Variants in COBL observed in about 807,000 individuals in gnomAD.
COBL encodes the protein cordon-bleu WH2 repeat protein, also known as protein cordon-bleu.
Under a neutral mutation model 98.8 loss-of-function variants are expected in COBL, and 51 were observed. The ratio of observed to expected loss-of-function variants is 0.52; its 90% confidence interval spans 0.41 to 0.65. The LOEUF is 0.65. Among genes scored for constraint, COBL ranks in the 30% least tolerant of loss-of-function variants. COBL has a pLI of 0.00. For missense variants in COBL, 1,617 were observed against 1,617.5 expected, an observed-to-expected ratio of 1.00 and a Z score of 0.01; for synonymous variants, 634 against 651.7, an observed-to-expected ratio of 0.97 and a Z score of 0.41.
At chr7:51,240,695 C>CA (rs1190474817) in intron 1 of COBL, among the ~76,000 whole-genome samples, 2 of 121,038 alleles carry the variant, frequency 1.7e-5, no homozygotes, top group Admixed American at 9.0e-5. Context: ...TACAGGCACG[C>CA]ACCACCACTC....
intron 10 of COBL, among the ~76,000 whole-genome samples, chr7:51,027,360 C>T (rs1406414025): frequency 2.0e-5 from 3 of 152,212 alleles, no homozygotes; most frequent in Non-Finnish European, 4.4e-5. Context: ...GAATTTTCTC[C>T]TCTGTTCCAT....
chr7:51,283,214 T>C (rs747049114), intron 1 of COBL, among the ~76,000 whole-genome samples: 2 of 152,038 alleles, frequency 1.3e-5, no homozygotes, highest in Non-Finnish European at 2.9e-5. Flanking sequence ...AGATTTTTTA[T>C]AATAAATCTG....
intron 7 of COBL, among the ~76,000 whole-genome samples, chr7:51,069,840 T>C (rs182191295): frequency 6.6e-6 from 1 of 152,324 alleles, no homozygotes; most frequent in Non-Finnish European, 1.5e-5. Flanking sequence ...CCATTTGCGT[T>C]TGGGTTTTAT....
At chr7:51,024,963 A>G (rs1380594693) in intron 12 of COBL, 146 bp downstream of exon 12, 5 of 1,093,776 alleles carry the variant, frequency 4.6e-6, no homozygotes, top group Non-Finnish European at 6.7e-6. Flanking sequence ...AGCACATGTG[A>G]GAGACACAGT....
intron 5 of COBL, among the ~76,000 whole-genome samples, chr7:51,142,988 C>G (rs1353701797): frequency 6.6e-6 from 1 of 152,004 alleles, no homozygotes; most frequent in African/African-American, 2.4e-5. Flanking sequence ...GGGAGAGATG[C>G]AGTGCATGGT....
chr7:51,086,629 G>GGA lies in COBL; in HGVS notation c.958-1327_958-1326dup, dbSNP rs3047140. ...GAAAGGGGGAGAGAGACAATGAGAG[G>GGA]GAGAGAGAGAGAGAGAGAGTGTGTG... On this transcript the variant is annotated intron_variant, in intron 6 of 12. Transcript: ENST00000265136. Among the ~76,000 whole-genome samples the GGA allele has an allele frequency of 3.4e-3, 502 of 149,814 alleles. 1 individual carries two copies. Among genetic ancestry groups the GGA allele is most frequent in the African/African-American group, 0.01 (411 of 40,736 alleles).
intron 1 of COBL, among the ~76,000 whole-genome samples, chr7:51,249,691 G>T (rs1284513296): frequency 1.3e-5 from 2 of 152,088 alleles, no homozygotes; most frequent in African/African-American, 2.4e-5. Context: ...CAATTCTTCT[G>T]TTGATCAGAA....
intron 1 of COBL, among the ~76,000 whole-genome samples, chr7:51,308,158 T>G (rs571499481): frequency 2.6e-5 from 4 of 152,348 alleles, no homozygotes; most frequent in East Asian, 1.9e-4. Flanking sequence ...TAACAGTTTG[T>G]GCATTGAACA....
At chr7:51,267,038 A>G (rs971234327) in intron 1 of COBL, among the ~76,000 whole-genome samples, 15 of 152,186 alleles carry the variant, frequency 9.9e-5, no homozygotes, top group Non-Finnish European at 5.9e-5. Flanking sequence ...AAAGGTATCA[A>G]AGATACCCTC....
At chr7:51,297,005 C>T (rs548511158) in intron 1 of COBL, among the ~76,000 whole-genome samples, 1 of 152,276 alleles carries the variant, frequency 6.6e-6, no homozygotes, top group African/African-American at 2.4e-5. Context: ...TTAGCCAAGG[C>T]TGGACGTCTG....
At chr7:51,025,765 C>T (rs1372282808) in intron 11 of COBL, among the ~76,000 whole-genome samples, 1 of 152,172 alleles carries the variant, frequency 6.6e-6, no homozygotes, top group Non-Finnish European at 1.5e-5. Context: ...ACACTGTCCC[C>T]AAAGGTTCTG....
chr7:51,145,572 T>C (rs1415139435), intron 5 of COBL, among the ~76,000 whole-genome samples: 2 of 151,662 alleles, frequency 1.3e-5, no homozygotes, highest in Non-Finnish European at 2.9e-5. Flanking sequence ...AGAGATGGGG[T>C]TTCGCCATGT....
At chr7:51,178,417 A>T (rs897948582) in intron 5 of COBL, among the ~76,000 whole-genome samples, 4 of 152,180 alleles carry the variant, frequency 2.6e-5, no homozygotes, top group African/African-American at 9.6e-5. Context: ...GGATTTGTTT[A>T]TAAGGTTTTA....
chr7:51,190,921 T>C lies in COBL; in HGVS notation c.614A>G (p.Glu205Gly), dbSNP rs772418189. The change falls in exon 4 of 13, where the codon GAG becomes GGG. Residue 205 changes from glutamate (E) to glycine (G), a missense_variant. Transcript: ENST00000265136. ...VVLLRDNIAG[E>G]ELELSKSLNE... is the part of the protein sequence containing the mutation. ...CAGGGACTTGGACAGCTCCAGCTCC[T>C]CTCCGGCAATGTTGTCCCTGAGGAG... 1.2e-6 allele frequency: 2 copies of C among 1,614,164 alleles called. No homozygotes were observed. Among genetic ancestry groups the C allele is most frequent in the Admixed American group, 1.7e-5 (1 of 60,014 alleles).
chr7:51,192,031 T>C (rs1790163305), intron 3 of COBL, among the ~76,000 whole-genome samples: 1 of 152,146 alleles, frequency 6.6e-6, no homozygotes, highest in African/African-American at 2.4e-5. Context: ...ATGCCTGGGC[T>C]CACCTGCCCT....
At chr7:51,081,095 G>C (rs1002067489) in intron 7 of COBL, among the ~76,000 whole-genome samples, 3 of 151,010 alleles carry the variant, frequency 2.0e-5, no homozygotes, top group Non-Finnish European at 1.5e-5. Context: ...CGCGGGGCAG[G>C]AGCGGGGCAG....
intron 7 of COBL, chr7:51,073,527 T>C: frequency 2.2e-6 from 1 of 454,612 alleles, no homozygotes; most frequent in Non-Finnish European, 3.9e-6. Flanking sequence ...TTGTTATTGT[T>C]TTCTTCCTTT....
intron 5 of COBL, among the ~76,000 whole-genome samples, chr7:51,152,171 G>A (rs968824134): frequency 1.3e-5 from 2 of 152,184 alleles, no homozygotes; most frequent in Non-Finnish European, 2.9e-5. Flanking sequence ...CTCTGGCTAC[G>A]CACAAGGGAC....
chr7:51,161,335 G>A (rs1288334533), intron 5 of COBL, among the ~76,000 whole-genome samples: 2 of 152,204 alleles, frequency 1.3e-5, no homozygotes, highest in Admixed American at 6.5e-5. Context: ...AGGACTCAGG[G>A]CAGCTGAAAT....
Sources: gnomAD v4.1 joint callset for allele counts (sites outside exome capture counted in the v4.1 genomes callset) on GRCh38, gnomAD v4.1.1 for gene constraint, MANE v1.5 for transcripts, NCBI Gene and HGNC (gene_info 2026-07-23, HGNC 2026-07-21) for gene names.